Variants in ESRRG observed in about 807,000 individuals in gnomAD.
ESRRG encodes the protein estrogen related receptor gamma.
ESRRG carries 13 observed loss-of-function variants against 44.0 expected under a neutral mutation model. The ratio of observed to expected loss-of-function variants is 0.30; its 90% confidence interval spans 0.19 to 0.47. The LOEUF (loss-of-function observed/expected upper bound fraction) is 0.47. ESRRG is among the 20% of genes least tolerant of loss of function. ESRRG has a pLI of 1.00. For missense variants in ESRRG, 395 were observed against 580.6 expected (o/e 0.68, Z 3.29); for synonymous variants, 215 against 214.6 (o/e 1.00, Z -0.02).
intron 2 of ESRRG, among the ~76,000 whole-genome samples, chr1:216,830,018 G>T (rs190203712): frequency 1.5e-4 from 23 of 152,096 alleles, no homozygotes; most frequent in African/African-American, 5.6e-4. Flanking sequence ...GCATCAAGGC[G>T]TTGACAGCAC....
intron 2 of ESRRG, among the ~76,000 whole-genome samples, chr1:216,867,863 C>T (rs2096193657): frequency 6.6e-6 from 1 of 151,948 alleles, no homozygotes; most frequent in Non-Finnish European, 1.5e-5. Flanking sequence ...AATCGGGGTA[C>T]AAAACAATGC....
intron 2 of ESRRG, chr1:216,863,257 A>C (rs1479643182): frequency 6.6e-6 from 1 of 151,804 alleles, no homozygotes; most frequent in African/African-American, 2.4e-5. Flanking sequence ...AATCACTGAT[A>C]TATATGAGAA....
At chr1:217,133,645 C>CTTTCTCTCTCTTTCTTTCTTTCTT (rs1553294787) in intron 1 of ESRRG, among the ~76,000 whole-genome samples, 5 of 91,728 alleles carry the variant, frequency 5.5e-5, no homozygotes, top group Admixed American at 1.1e-4. Context: ...CTCTCTCTCT[C>CTTTCTCTCTCTTTCTTTCTTTCTT]TCTTTCTTTC....
chr1:217,029,749 C>A (rs7527281), intron 1 of ESRRG, among the ~76,000 whole-genome samples: 31,641 of 151,978 alleles, frequency 0.21, 3,683 homozygotes, highest in East Asian at 0.45. Context: ...GCACTACAGG[C>A]CTTTCCTATT....
intron 1 of ESRRG, among the ~76,000 whole-genome samples, chr1:216,680,732 T>A (rs1559187703): frequency 6.6e-6 from 1 of 152,084 alleles, no homozygotes; most frequent in East Asian, 1.9e-4. Context: ...CTACAGCGAG[T>A]CTTAATTCTC....
chr1:216,740,870 T>G (rs1487509907), intron 2 of ESRRG, among the ~76,000 whole-genome samples: 1 of 149,552 alleles, frequency 6.7e-6, no homozygotes, highest in Non-Finnish European at 1.5e-5. Context: ...GGCTTTGAAT[T>G]TACCATGTCA....
chr1:216,990,649 C>A (rs752658167), intron 1 of ESRRG, among the ~76,000 whole-genome samples: 1 of 152,146 alleles, frequency 6.6e-6, no homozygotes, highest in Non-Finnish European at 1.5e-5. Context: ...TGATAATCTC[C>A]TTCCACTTAA....
chr1:216,688,086 T>C (rs1487664417), intron 1 of ESRRG, among the ~76,000 whole-genome samples: 7 of 152,082 alleles, frequency 4.6e-5, no homozygotes, highest in Non-Finnish European at 8.8e-5. Context: ...CCCTGAGAGA[T>C]ATTATGAAAA....
At chr1:216,631,258 G>A (rs373236092) in intron 3 of ESRRG, among the ~76,000 whole-genome samples, 18 of 152,244 alleles carry the variant, frequency 1.2e-4, no homozygotes, top group African/African-American at 3.1e-4. Flanking sequence ...AAGTTGCTAC[G>A]TTCAAACTGT....
intron 1 of ESRRG, among the ~76,000 whole-genome samples, chr1:217,063,008 G>A (rs963592495): frequency 9.9e-5 from 15 of 152,042 alleles, no homozygotes; most frequent in African/African-American, 3.4e-4. Context: ...TTCTATCTCC[G>A]TTGAGATTTA....
intron 2 of ESRRG, among the ~76,000 whole-genome samples, chr1:216,889,250 T>C (rs192436804): frequency 6.6e-6 from 1 of 152,316 alleles, no homozygotes; most frequent in Admixed American, 6.5e-5. Flanking sequence ...CCCTGACACA[T>C]ATTCTGACTG....
chr1:216,781,354 T>C (rs2093928578), intron 2 of ESRRG, among the ~76,000 whole-genome samples: 1 of 151,952 alleles, frequency 6.6e-6, no homozygotes, highest in Non-Finnish European at 1.5e-5. Flanking sequence ...ATGTATTTAG[T>C]TTTTTCTTTT....
At chr1:217,037,533 A>G (rs2083119789) in intron 1 of ESRRG, among the ~76,000 whole-genome samples, 1 of 152,136 alleles carries the variant, frequency 6.6e-6, no homozygotes, top group Non-Finnish European at 1.5e-5. Flanking sequence ...TCTCCTACTG[A>G]GTCCCTCTCA....
chr1:216,793,338 G>C (rs2789727), intron 2 of ESRRG, among the ~76,000 whole-genome samples: 4,602 of 152,244 alleles, frequency 0.03, 97 homozygotes, highest in Non-Finnish European at 0.044. Flanking sequence ...GAATACAGCA[G>C]GGGTGAAGGT....
At chr1:216,879,127 T>C (rs898850721) in intron 2 of ESRRG, among the ~76,000 whole-genome samples, 8 of 152,202 alleles carry the variant, frequency 5.3e-5, no homozygotes, top group African/African-American at 1.9e-4. Context: ...GGTGAACATA[T>C]AGCTATTGAA....
intron 1 of ESRRG, among the ~76,000 whole-genome samples, chr1:217,008,753 G>C (rs12096773): frequency 0.51 from 77,850 of 152,030 alleles, 20,256 homozygotes; most frequent in Admixed American, 0.65. Context: ...GTCCACACCT[G>C]CAGGGTTTTG....
chr1:216,921,496 A>T (rs1182711757), intron 2 of ESRRG, among the ~76,000 whole-genome samples: 1 of 152,092 alleles, frequency 6.6e-6, no homozygotes, highest in Non-Finnish European at 1.5e-5. Flanking sequence ...ACCTCTTATT[A>T]ACTCTGAAGC....
intron 2 of ESRRG, among the ~76,000 whole-genome samples, chr1:216,842,330 C>T (rs145878753): frequency 1.7e-3 from 256 of 152,134 alleles, no homozygotes; most frequent in Non-Finnish European, 2.0e-3. Context: ...TAGGGAGGTC[C>T]GATGCAGGTC....
chr1:216,781,215 T>C (rs2093922321), intron 2 of ESRRG, among the ~76,000 whole-genome samples: 1 of 152,140 alleles, frequency 6.6e-6, no homozygotes, highest in African/African-American at 2.4e-5. Flanking sequence ...CAAACATTTA[T>C]TGAGTACTTA....
Sources: allele counts gnomAD v4.1 joint callset (sites outside exome capture counted in the v4.1 genomes callset), GRCh38; gene constraint gnomAD v4.1.1; transcripts MANE v1.5; gene names NCBI Gene and HGNC (gene_info 2026-07-23, HGNC 2026-07-21).